Variants in MDGA2 observed in about 807,000 individuals in gnomAD.
The protein encoded by MDGA2 is MAM domain-containing glycosylphosphatidylinositol anchor protein 2.
MDGA2 carries 40 observed loss-of-function variants against 117.8 expected under a neutral mutation model. The observed-to-expected ratio is 0.34, with a 90% CI of 0.26 to 0.44. The LOEUF (loss-of-function observed/expected upper bound fraction) is 0.44, where lower values mean the gene tolerates loss of function less well. MDGA2 is among the 20% of genes least tolerant of loss of function. The probability of loss-of-function intolerance (pLI) is 1.00; values close to 1 mark genes in which losing one functional copy is unlikely to be tolerated. For synonymous variants in MDGA2, 452 were observed against 439.0 expected (o/e 1.03, Z -0.37); for missense variants, 1,123 against 1,250.6 (o/e 0.90, Z 1.54).
intron 10 of MDGA2, among the ~76,000 whole-genome samples, chr14:46,915,016 G>A (rs779503184): frequency 1.2e-4 from 19 of 152,126 alleles, no homozygotes; most frequent in Non-Finnish European, 2.5e-4. Flanking sequence ...ATTTAAAAAT[G>A]TATATTGCTT....
At chr14:47,079,500 A>C (rs564172350) in intron 6 of MDGA2, among the ~76,000 whole-genome samples, 28 of 152,240 alleles carry the variant, frequency 1.8e-4, no homozygotes, top group African/African-American at 6.7e-4. Context: ...AGGCAAATCA[A>C]ATATGAAAAA....
rs551422383 is a variant in MDGA2, at chr14:47,172,627, T to A, written c.596-28353A>T. Among the ~76,000 whole-genome samples, 579 of 152,164 alleles carry A rather than the reference T, an allele frequency of 3.8e-3. 6 individuals are homozygous for A. Among genetic ancestry groups the A allele is most frequent in the African/African-American group, 0.013 (550 of 41,532 alleles). ...GGAAAACTAACAAACAGAAAGGACATCCACACCAAAAACCCATCTGTACAT... is the reference window on the plus strand; with the variant it reads ...GGAAAACTAACAAACAGAAAGGACAACCACACCAAAAACCCATCTGTACAT... On this transcript the variant is annotated intron_variant, in intron 3 of 16. Transcript: ENST00000399232.
At chr14:47,474,462 C>T (rs1440013563) in intron 1 of MDGA2, among the ~76,000 whole-genome samples, 1 of 151,762 alleles carries the variant, frequency 6.6e-6, no homozygotes. Flanking sequence ...GACATTCTTC[C>T]CAGAATTAGA....
intron 1 of MDGA2, among the ~76,000 whole-genome samples, chr14:47,492,464 GTGTT>G (rs1459683659): frequency 6.6e-6 from 1 of 152,054 alleles, no homozygotes; most frequent in South Asian, 2.1e-4. Flanking sequence ...ACGTGTGTGT[GTGTT>G]TGTGTGTGTG....
intron 1 of MDGA2, among the ~76,000 whole-genome samples, chr14:47,435,639 T>C (rs1328399248): frequency 6.6e-6 from 1 of 152,134 alleles, no homozygotes; most frequent in Non-Finnish European, 1.5e-5. Context: ...TCTAGAGTCA[T>C]CATAAATGGC....
At chr14:47,311,401 T>A (rs966796756) in intron 1 of MDGA2, among the ~76,000 whole-genome samples, 3 of 152,148 alleles carry the variant, frequency 2.0e-5, no homozygotes, top group Non-Finnish European at 4.4e-5. Flanking sequence ...ATTGTGAGGA[T>A]CTGGCCTGCC....
chr14:47,353,690 G>C, intron 1 of MDGA2, among the ~76,000 whole-genome samples: 1 of 152,150 alleles, frequency 6.6e-6, no homozygotes. Context: ...ACAAAGAAAA[G>C]TCCAGAACCA....
At chr14:47,120,288 T>C (rs1184555511) in intron 5 of MDGA2, among the ~76,000 whole-genome samples, 1 of 152,074 alleles carries the variant, frequency 6.6e-6, no homozygotes, top group Non-Finnish European at 1.5e-5. Context: ...CCCCAGAACA[T>C]GAGGGCAAGG....
At chr14:46,846,596 T>G (rs1203521629) in intron 15 of MDGA2, among the ~76,000 whole-genome samples, 2 of 152,146 alleles carry the variant, frequency 1.3e-5, no homozygotes, top group African/African-American at 4.8e-5. Context: ...TCCTTTATTA[T>G]TAAATACTTA....
intron 3 of MDGA2, among the ~76,000 whole-genome samples, chr14:47,193,292 T>C (rs1174404937): frequency 2.6e-5 from 4 of 152,212 alleles, no homozygotes; most frequent in Non-Finnish European, 5.9e-5. Flanking sequence ...CCTTATTATA[T>C]TGTTTAATAC....
intron 1 of MDGA2, among the ~76,000 whole-genome samples, chr14:47,498,396 TA>T (rs951984553): frequency 1.3e-5 from 2 of 152,146 alleles, no homozygotes; most frequent in African/African-American, 4.8e-5. Flanking sequence ...AAAGGATAAA[TA>T]TTTTTTTTTC....
intron 2 of MDGA2, among the ~76,000 whole-genome samples, chr14:47,250,798 G>T (rs577702570): frequency 6.6e-6 from 1 of 152,326 alleles, no homozygotes; most frequent in African/African-American, 2.4e-5. Context: ...AAGAGAAGAA[G>T]AATTTAAGAT....
At chr14:47,170,912 T>C (rs918185900) in intron 3 of MDGA2, among the ~76,000 whole-genome samples, 4 of 152,160 alleles carry the variant, frequency 2.6e-5, no homozygotes, top group African/African-American at 7.2e-5. Context: ...GATTTTTTAA[T>C]TGACATAAAC....
rs76341524 is a variant in MDGA2 at position 47,020,885 on chromosome 14, GA to G, written c.1819+14125del. 2.6e-3 allele frequency among the ~76,000 whole-genome samples: 348 copies of G among 135,798 alleles called. 1 individual carries two copies. In the East Asian group the frequency reaches 0.026, roughly 10 times the overall value. The allele number at this position is 135,798 out of a possible 152,430, so 89.1% of individuals were successfully genotyped here. A position where few individuals can be genotyped will look rare whatever the true frequency, so the allele number is the denominator to read the frequency against. On this transcript the variant is annotated intron_variant, in intron 8 of 16. Coordinates refer to ENST00000399232, the MANE Select transcript of MDGA2 (RefSeq NM_001113498.3). ...CTTTATGACAGTGTACTTTCAGGAA[GA>G]AAAAAAAAAATTAGAAGCTTTTTAA... is the stretch of plus-strand genomic sequence containing the variant.
intron 1 of MDGA2, among the ~76,000 whole-genome samples, chr14:47,446,421 A>G (rs17682759): frequency 0.25 from 38,074 of 152,028 alleles, 5,071 homozygotes; most frequent in Middle Eastern, 0.41. Flanking sequence ...ATAAAAGCCT[A>G]AACAGAGAGC....
At chr14:47,452,115 A>G (rs1222192551) in intron 1 of MDGA2, among the ~76,000 whole-genome samples, 2 of 152,118 alleles carry the variant, frequency 1.3e-5, no homozygotes, top group Non-Finnish European at 2.9e-5. Flanking sequence ...TGGGAAAAGC[A>G]GCATTGAGTG....
rs181803073 is a variant in MDGA2 at position 46,987,355 on chromosome 14, T to C, written c.1820-29712A>G. Among the ~76,000 whole-genome samples, 24 of 152,230 alleles carry C rather than the reference T, an allele frequency of 1.6e-4. No homozygotes were observed. The East Asian group carries it at 2.9e-3, about 18-fold the overall frequency. ...TTTTGTGATTTGCCCTGCCAGAGCA[T>C]AACTGAGAATTCGACACAAAAATGT... On this transcript the variant is annotated intron_variant, in intron 8 of 16. Coordinates refer to ENST00000399232, the MANE Select transcript of MDGA2 (RefSeq NM_001113498.3).
intron 10 of MDGA2, among the ~76,000 whole-genome samples, chr14:46,907,473 C>A (rs1270981999): frequency 6.6e-6 from 1 of 152,142 alleles, no homozygotes; most frequent in Non-Finnish European, 1.5e-5. Context: ...ATTTAGACCT[C>A]TATTGTTCTC....
intron 2 of MDGA2, among the ~76,000 whole-genome samples, chr14:47,218,882 A>T (rs191468369): frequency 1.4e-4 from 21 of 152,210 alleles, no homozygotes; most frequent in Admixed American, 5.2e-4. Context: ...TGAATATCTA[A>T]AACATTTCAT....
Sources: allele counts gnomAD v4.1 joint callset (sites outside exome capture counted in the v4.1 genomes callset), GRCh38; gene constraint gnomAD v4.1.1; transcripts MANE v1.5; gene names NCBI Gene and HGNC (gene_info 2026-07-23, HGNC 2026-07-21).